DPF3: variants seen among roughly 807,000 people sequenced by gnomAD.
DPF3 encodes zinc finger protein DPF3.
In DPF3, 18 loss-of-function variants were observed where a neutral mutation model predicts 56.8. The ratio of observed to expected loss-of-function variants is 0.32; its 90% confidence interval spans 0.22 to 0.47. The LOEUF is 0.47. DPF3 is among the 20% of genes least tolerant of loss of function. The pLI is 1.00. For synonymous variants in DPF3, 188 were observed against 180.2 expected (o/e 1.04, Z -0.35); for missense variants, 403 against 488.8 (o/e 0.82, Z 1.65).
At chr14:72,743,610 A>T (rs2139881577) in intron 3 of DPF3, among the ~76,000 whole-genome samples, 1 of 152,126 alleles carries the variant, frequency 6.6e-6, no homozygotes, top group Admixed American at 6.5e-5. Context: ...CAAAAAAAAA[A>T]AAAAAAGGAA....
At chr14:72,671,153 T>A (rs760689191) in intron 8 of DPF3, 1 of 1,613,836 alleles carries the variant, frequency 6.2e-7, no homozygotes, top group East Asian at 2.2e-5. Context: ...CTGCCCTTTT[T>A]ATCTGCTGTG....
intron 8 of DPF3, among the ~76,000 whole-genome samples, chr14:72,657,815 G>C (rs1401366886): frequency 6.6e-6 from 1 of 152,192 alleles, no homozygotes; most frequent in African/African-American, 2.4e-5. Flanking sequence ...ACCCAGAGCT[G>C]AGTAGTTGTG....
intron 1 of DPF3, among the ~76,000 whole-genome samples, chr14:72,831,031 G>A (rs1356039485): frequency 5.3e-5 from 8 of 152,134 alleles, no homozygotes; most frequent in African/African-American, 1.2e-4. Context: ...AGCCATGAAC[G>A]TCCCCCATGT....
intron 2 of DPF3, among the ~76,000 whole-genome samples, chr14:72,762,230 A>C (rs190937929): frequency 6.6e-6 from 1 of 152,034 alleles, no homozygotes; most frequent in Admixed American, 6.5e-5. Context: ...AACCAGACAG[A>C]CATTACAAGA....
intron 1 of DPF3, among the ~76,000 whole-genome samples, chr14:72,893,072 C>T (rs1886838701): frequency 6.6e-6 from 1 of 152,180 alleles, no homozygotes; most frequent in Non-Finnish European, 1.5e-5. Flanking sequence ...CTGTTGGACC[C>T]GGGGCTGGCC....
chr14:72,627,525 A>G lies in DPF3; in HGVS notation c.984+2099T>C, dbSNP rs1437105842. 2.0e-5 allele frequency among the ~76,000 whole-genome samples: 3 copies of G among 151,988 alleles called. No homozygotes were observed. The South Asian group carries it at 6.2e-4, about 31-fold the overall frequency. ...AGCTGGTCTATTTCTCTCCTCATGC[A>G]TCAGTGCCACACTGTTTTATCTATA... On this transcript the variant is annotated intron_variant, in intron 9 of 10. Coordinates refer to ENST00000556509, the MANE Select transcript of DPF3 (RefSeq NM_001280542.3).
intron 8 of DPF3, among the ~76,000 whole-genome samples, chr14:72,637,124 G>A (rs773453978): frequency 1.1e-4 from 16 of 152,258 alleles, no homozygotes; most frequent in Non-Finnish European, 2.1e-4. Flanking sequence ...AGAGTATTAC[G>A]GGCACTTTTA....
At chr14:72,701,504 C>T (rs944771865) in intron 6 of DPF3, among the ~76,000 whole-genome samples, 3 of 152,194 alleles carry the variant, frequency 2.0e-5, no homozygotes, top group African/African-American at 7.2e-5. Flanking sequence ...TACTGCACGC[C>T]CCCTGCCCTC....
chr14:72,642,981 G>C (rs754253720), intron 8 of DPF3, among the ~76,000 whole-genome samples: 1 of 152,226 alleles, frequency 6.6e-6, no homozygotes, highest in Non-Finnish European at 1.5e-5. Flanking sequence ...TGGGGATCCT[G>C]TGAGGTGGGC....
chr14:72,764,373 A>C lies in DPF3; in HGVS notation c.193+7360T>G, dbSNP rs868531778. Among the ~76,000 whole-genome samples the C allele has an allele frequency of 2.9e-4, 43 of 150,196 alleles. 1 individual carries two copies. Among genetic ancestry groups the C allele is most frequent in the African/African-American group, 1.1e-3 (43 of 40,642 alleles). On this transcript the variant is annotated intron_variant, in intron 2 of 10. Transcript: ENST00000556509. Reference sequence around the variant, plus strand: ...CACCTGGAGAAGGCATGGAAGCTTCATGTCTCTTTTCCCCTTACCTTGCCC... The same window carrying C: ...CACCTGGAGAAGGCATGGAAGCTTCCTGTCTCTTTTCCCCTTACCTTGCCC...
intron 3 of DPF3, among the ~76,000 whole-genome samples, chr14:72,749,579 T>C (rs1890474927): frequency 6.6e-6 from 1 of 152,176 alleles, no homozygotes; most frequent in Admixed American, 6.5e-5. Flanking sequence ...TGATATGGCT[T>C]GGCTCTGTGT....
At chr14:72,646,791 T>C (rs1280441655) in intron 8 of DPF3, among the ~76,000 whole-genome samples, 1 of 152,232 alleles carries the variant, frequency 6.6e-6, no homozygotes, top group Non-Finnish European at 1.5e-5. Context: ...GCAATGCCAT[T>C]TTGGCGACCC....
chr14:72,814,232 G>A (rs1883186646), intron 1 of DPF3, among the ~76,000 whole-genome samples: 2 of 152,142 alleles, frequency 1.3e-5, no homozygotes, highest in African/African-American at 4.8e-5. Flanking sequence ...TCATGAAGAT[G>A]ATTCTGAGGC....
intron 1 of DPF3, among the ~76,000 whole-genome samples, chr14:72,789,695 AT>A (rs889125533): frequency 8.6e-5 from 13 of 150,782 alleles, no homozygotes; most frequent in African/African-American, 2.0e-4. Context: ...TTCCCAGCTA[AT>A]TTTTTTTTCT....
At chr14:72,864,244 T>G (rs1885571706) in intron 1 of DPF3, among the ~76,000 whole-genome samples, 1 of 150,208 alleles carries the variant, frequency 6.7e-6, no homozygotes, top group Non-Finnish European at 1.5e-5. Context: ...GACAAATGCC[T>G]CTCCCTCCCA....
chr14:72,688,775 G>T (rs1458075989), intron 7 of DPF3, among the ~76,000 whole-genome samples: 1 of 152,222 alleles, frequency 6.6e-6, no homozygotes, highest in South Asian at 2.1e-4. Flanking sequence ...AGTAGGTGAA[G>T]GTGGTAAAAG....
At chr14:72,803,502 T>C (rs1292859557) in intron 1 of DPF3, among the ~76,000 whole-genome samples, 1 of 152,214 alleles carries the variant, frequency 6.6e-6, no homozygotes, top group Non-Finnish European at 1.5e-5. Context: ...CAATGGGCCA[T>C]GAAAACCTAG....
intron 8 of DPF3, among the ~76,000 whole-genome samples, chr14:72,642,425 C>T (rs1885591308): frequency 6.6e-6 from 1 of 152,174 alleles, no homozygotes. Context: ...CTGGGCTGGA[C>T]AATGAAGGAG....
chr14:72,882,256 T>C (rs2140125557), intron 1 of DPF3, among the ~76,000 whole-genome samples: 1 of 152,320 alleles, frequency 6.6e-6, no homozygotes, highest in Non-Finnish European at 1.5e-5. Flanking sequence ...AACTAAAAGG[T>C]CAGCAGAAAT....
Sources: gnomAD v4.1 joint callset for allele counts (sites outside exome capture counted in the v4.1 genomes callset) on GRCh38, gnomAD v4.1.1 for gene constraint, MANE v1.5 for transcripts, NCBI Gene and HGNC (gene_info 2026-07-23, HGNC 2026-07-21) for gene names.